Variants in IFI44 observed in about 807,000 individuals in gnomAD.
IFI44 encodes interferon induced protein 44.
IFI44 carries 42 observed loss-of-function variants against 45.0 expected under a neutral mutation model. The ratio of observed to expected loss-of-function variants is 0.93; its 90% confidence interval spans 0.73 to 1.21. The LOEUF (loss-of-function observed/expected upper bound fraction) is 1.21. IFI44 is among the 50% of genes most tolerant of loss of function. The pLI is 0.00. For synonymous variants in IFI44, 221 were observed against 188.6 expected (o/e 1.17, Z -1.41); for missense variants, 623 against 525.8 (o/e 1.18, Z -1.81).
intron 7 of IFI44, among the ~76,000 whole-genome samples, chr1:78,662,341 A>G (rs1376910192): frequency 6.6e-6 from 1 of 152,222 alleles, no homozygotes; most frequent in Non-Finnish European, 1.5e-5. Flanking sequence ...AGGCAGTTTG[A>G]TTCTAGAGGT....
chr1:78,658,685 T>C (rs1647289680), intron 5 of IFI44, among the ~76,000 whole-genome samples: 1 of 152,130 alleles, frequency 6.6e-6, no homozygotes, highest in African/African-American at 2.4e-5. Context: ...AAATTTATAT[T>C]TTACTTGCCT....
At chr1:78,653,484 T>C (rs1001509305) in intron 2 of IFI44, among the ~76,000 whole-genome samples, 5 of 152,220 alleles carry the variant, frequency 3.3e-5, no homozygotes, top group African/African-American at 1.2e-4. Flanking sequence ...GCCATACATA[T>C]AGCCATGTTT....
In IFI44 at chr1:78,663,952, T is replaced by C. The variant is rs1475473391; in HGVS notation, c.*141T>C. On this transcript the variant is annotated 3_prime_UTR_variant, in exon 9 of 9. Coordinates refer to ENST00000370747, the MANE Select transcript of IFI44 (RefSeq NM_006417.5). ...CTAGGATGAAGAAATGCATAGAACA[T>C]TGTAGTACTTGTAAATAACTAGAAA... 3.8e-6 allele frequency: 2 copies of C among 527,260 alleles called. No homozygotes were observed. Among genetic ancestry groups the C allele is most frequent in the Non-Finnish European group, 6.3e-6 (2 of 317,166 alleles). 32.7% of individuals were successfully genotyped at this position (527,260 alleles called of 1,614,324 possible). A position where few individuals can be genotyped will look rare whatever the true frequency, so the allele number is the denominator to read the frequency against.
chr1:78,654,459 TGAGTA>T (rs1477781650), intron 3 of IFI44, among the ~76,000 whole-genome samples, 180 bp downstream of exon 3: 2 of 152,092 alleles, frequency 1.3e-5, no homozygotes, highest in Admixed American at 6.6e-5. Context: ...AAAAGGACAC[TGAGTA>T]GAGGAAAGGA....
chr1:78,655,589 C>T, intron 5 of IFI44, 78 bp downstream of exon 5: 1 of 1,251,214 alleles, frequency 8.0e-7, no homozygotes, highest in East Asian at 2.5e-5. Flanking sequence ...CGTTTATCTT[C>T]TTAAATTATA....
intron 3 of IFI44, 94 bp from the exon 4 acceptor site, chr1:78,654,920 T>TG (rs1486338697): frequency 2.7e-5 from 27 of 986,052 alleles, no homozygotes; most frequent in Middle Eastern, 7.0e-4. Context: ...TAATCAAAAA[T>TG]AATATCTATG....
In IFI44 at chr1:78,659,413, C is replaced by T. The variant is rs116134981; in HGVS notation, c.942C>T (p.Ser314=). The T allele has an allele frequency of 3.0e-4, 476 of 1,613,102 alleles. 5 individuals are homozygous for T. In the East Asian group the frequency reaches 9.6e-3, roughly 32 times the overall value. ...IHCVAFVFDA[S]SIQYFSSQMI... is the part of the protein sequence containing the mutation. ...GTGTGGCATTTGTATTTGATGCCAG[C>T]TCTATTCAATACTTCTCCTCTCAGA... Residue 314 remains serine (S), a synonymous_variant, in exon 6 of 9, where the codon AGC becomes AGT. Transcript: ENST00000370747.
At chr1:78,654,124 A>G (rs1418473199) in intron 2 of IFI44, 119 bp from the exon 3 acceptor site, 3 of 701,224 alleles carry the variant, frequency 4.3e-6, no homozygotes, top group Non-Finnish European at 7.8e-6. Flanking sequence ...ATACGGGACC[A>G]TTCTCATGGA....
chr1:78,655,286 A>G (rs1011537052), intron 4 of IFI44, 76 bp from the exon 5 acceptor site: 8 of 1,562,364 alleles, frequency 5.1e-6, no homozygotes, highest in Admixed American at 2.0e-5. Context: ...TTGCAGATCA[A>G]CTTTATTACA....
At chr1:78,654,120 G>A in intron 2 of IFI44, 123 bp from the exon 3 acceptor site, 1 of 692,342 alleles carries the variant, frequency 1.4e-6, no homozygotes, top group Non-Finnish European at 2.6e-6. Flanking sequence ...CACCATACGG[G>A]ACCATTCTCA....
At chr1:78,662,549 T>G in intron 7 of IFI44, 155 bp from the exon 8 acceptor site, 1 of 605,490 alleles carries the variant, frequency 1.7e-6, no homozygotes, top group Admixed American at 3.0e-5. Flanking sequence ...ATATGTGAAG[T>G]TCTTCAAGAG....
intron 7 of IFI44, among the ~76,000 whole-genome samples, chr1:78,661,387 C>T (rs147189980): frequency 4.7e-4 from 72 of 151,978 alleles, no homozygotes; most frequent in African/African-American, 1.7e-3. Flanking sequence ...TTTTTTGAGC[C>T]TTAGTTGAAC....
intron 3 of IFI44, among the ~76,000 whole-genome samples, chr1:78,654,522 C>T (rs978990990): frequency 2.0e-5 from 3 of 151,902 alleles, no homozygotes; most frequent in Non-Finnish European, 4.4e-5. Flanking sequence ...GTTTGTATGT[C>T]TGTGTTTTGC....
At position 78,660,650 on chromosome 1, in the gene IFI44, C is replaced by A. The variant is rs979577691; in HGVS notation, c.1109C>A (p.Ser370Tyr). 1.3e-6 allele frequency: 2 copies of A among 1,598,876 alleles called. No homozygotes were observed. Among genetic ancestry groups the A allele is most frequent in the South Asian group, 1.1e-5 (1 of 90,798 alleles). ...ATAGAGAGATGTGAGCCTGTGAGGT[C>A]CAAGGTAATGAATGATGCCCTTCGT... Reference protein sequence around the residue: ...IEIERCEPVRSKLEEVQRKLG... With the variant: ...IEIERCEPVRYKLEEVQRKLG... The change falls in exon 7 of 9, where the codon TCC becomes TAC. Residue 370 changes from serine to tyrosine, a missense_variant. Ser to Tyr is a moderately radical substitution (Grantham distance 144). Transcript: ENST00000370747.
chr1:78,650,143 GT>G (rs1321968420), intron 1 of IFI44, 42 bp from the exon 2 acceptor site: 18 of 1,384,740 alleles, frequency 1.3e-5, no homozygotes, highest in Non-Finnish European at 1.6e-5. Flanking sequence ...CATATTATCT[GT>G]TTTTTAATAT....
chr1:78,653,876 C>T lies in IFI44; in HGVS notation c.458-367C>T, dbSNP rs191573865. Among the ~76,000 whole-genome samples, 20 of 152,216 alleles carry T rather than the reference C, an allele frequency of 1.3e-4. 1 individual carries two copies. Among genetic ancestry groups the T allele is most frequent in the Non-Finnish European group, 2.5e-4 (17 of 68,014 alleles). On this transcript the variant is annotated intron_variant, in intron 2 of 8. Coordinates refer to ENST00000370747, the MANE Select transcript of IFI44 (RefSeq NM_006417.5). ...GGGGAAAATGTCTTATTAGACATTC[C>T]CACATTTCCACATTAGATATTCCCA...
chr1:78,662,285 C>T (rs529751656), intron 7 of IFI44, among the ~76,000 whole-genome samples: 56 of 152,252 alleles, frequency 3.7e-4, no homozygotes, highest in African/African-American at 1.2e-3. Flanking sequence ...CATCTGCCAA[C>T]GTTTATTGAC....
chr1:78,657,991 T>A (rs1011146508), intron 5 of IFI44, among the ~76,000 whole-genome samples: 2 of 152,108 alleles, frequency 1.3e-5, no homozygotes, highest in Non-Finnish European at 2.9e-5. Context: ...GTAGTCCTGG[T>A]GTGGGGCATT....
intron 2 of IFI44, among the ~76,000 whole-genome samples, 191 bp downstream of exon 2, chr1:78,650,843 C>T (rs375542562): frequency 3.3e-5 from 5 of 152,256 alleles, no homozygotes; most frequent in African/African-American, 9.6e-5. Context: ...ATGATAAGAA[C>T]CCTTAACGTA....
Sources: allele counts gnomAD v4.1 joint callset (sites outside exome capture counted in the v4.1 genomes callset), GRCh38; gene constraint gnomAD v4.1.1; transcripts MANE v1.5; gene names NCBI Gene and HGNC (gene_info 2026-07-23, HGNC 2026-07-21).